The following MYO7A variants were observed in gnomAD, a reference collection of about 807,000 sequenced individuals.
MYO7A encodes unconventional myosin-VIIa.
Under a neutral mutation model 263.8 loss-of-function variants are expected in MYO7A, and 210 were observed. That is an observed-to-expected ratio of 0.80 (90% CI 0.71 to 0.89). The LOEUF is 0.89. Ranked by LOEUF, MYO7A falls within the 40% of genes least tolerant of loss-of-function variation. MYO7A has a pLI of 0.00. For missense variants in MYO7A, 2,820 were observed against 2,968.3 expected (o/e 0.95, Z 1.16); for synonymous variants, 1,239 against 1,197.3 (o/e 1.03, Z -0.72).
chr11:77,142,867 A>C, intron 3 of MYO7A, 45 bp downstream of exon 3: 1 of 1,451,784 alleles, frequency 6.9e-7, no homozygotes, highest in Non-Finnish European at 9.5e-7. Context: ...TTGGGGTCAG[A>C]CCTGGGCTGA....
rs368531412 is a variant in MYO7A at position 77,204,114 on chromosome 11, A to T, written c.5365A>T (p.Thr1789Ser). The T allele has an allele frequency of 3.7e-6, 6 of 1,601,188 alleles. No individual in the cohort carries two copies. In the African/African-American group the frequency reaches 4.0e-5, roughly 11 times the overall value. The change falls in exon 39 of 49, where the codon ACA becomes TCA. Residue 1789 changes from threonine to serine, a missense_variant. Thr to Ser is a moderately conservative substitution (Grantham distance 58). Transcript: ENST00000409709. ...KYMGDYPSKR[T>S]RSVNELTDQI... The stretch of plus-strand genomic sequence containing the variant: ...CATGGGCGACTACCCGTCCAAGAGG[A>T]CACGCTCCGTCAACGAGCTCACCGA...
In MYO7A at chr11:77,196,828, G is replaced by C. The variant is rs1167179335; in HGVS notation, c.4324-653G>C. On this transcript the variant is annotated intron_variant, in intron 32 of 48. Coordinates refer to ENST00000409709, the MANE Select transcript of MYO7A (RefSeq NM_000260.4). ...TCTATAAAAACCAGGATTTCACTCT[G>C]ACCCCTCCAATGCTACCCCAGAACC... Among the ~76,000 whole-genome samples the C allele has an allele frequency of 2.6e-5, 4 of 152,214 alleles. No individual in the cohort carries two copies. The East Asian group carries it at 7.7e-4, about 29-fold the overall frequency.
chr11:77,172,740 C>T lies in MYO7A; in HGVS notation c.1798-8C>T, dbSNP rs781804341. On this transcript the variant is annotated splice_polypyrimidine_tract_variant and splice_region_variant and intron_variant, in intron 15 of 48. Coordinates refer to ENST00000409709, the MANE Select transcript of MYO7A (RefSeq NM_000260.4). ...AGCCCCTCCCATCGCTGCCGTCCGT[C>T]CCCCCAGGGCGCCGAGACCAGGAAG... The T allele has an allele frequency of 5.8e-6, 9 of 1,553,142 alleles. No individual in the cohort carries two copies. In the East Asian group the frequency reaches 1.5e-4, roughly 25 times the overall value.
At chr11:77,166,205 G>T in intron 15 of MYO7A, 43 bp downstream of exon 15, 1 of 1,550,286 alleles carries the variant, frequency 6.5e-7, no homozygotes, top group Non-Finnish European at 8.9e-7. Flanking sequence ...GGGCCCCCAC[G>T]GGCCAGGCCT....
chr11:77,214,575 G>A, intron 48 of MYO7A, 32 bp from the exon 49 acceptor site: 1 of 1,483,460 alleles, frequency 6.7e-7, no homozygotes, highest in South Asian at 1.2e-5. Context: ...GTCCCACCGT[G>A]TGCTCGCTTA....
chr11:77,137,370 G>A (rs782429575), intron 2 of MYO7A, among the ~76,000 whole-genome samples: 1 of 151,968 alleles, frequency 6.6e-6, no homozygotes, highest in Non-Finnish European at 1.5e-5. Flanking sequence ...CCCACTCTCT[G>A]CCGTTGTTCA....
chr11:77,144,247 C>T (rs1301087402), intron 3 of MYO7A, among the ~76,000 whole-genome samples: 2 of 152,210 alleles, frequency 1.3e-5, no homozygotes, highest in African/African-American at 4.8e-5. Flanking sequence ...AGTTCTAGGA[C>T]CCTCTAGGAA....
At chr11:77,198,230 C>T (rs560659074) in intron 33 of MYO7A, among the ~76,000 whole-genome samples, 141 of 152,282 alleles carry the variant, frequency 9.3e-4, no homozygotes, top group African/African-American at 3.2e-3. Context: ...CCCCAGATCC[C>T]GCCTTAGTGC....
At chr11:77,133,928 C>A (rs1950839657) in intron 2 of MYO7A, among the ~76,000 whole-genome samples, 1 of 152,150 alleles carries the variant, frequency 6.6e-6, no homozygotes, top group African/African-American at 2.4e-5. Flanking sequence ...CTTAGGTTTA[C>A]AAATAACATC....
chr11:77,185,485 A>AAGGATGAGGAG (rs1955586408), intron 27 of MYO7A, among the ~76,000 whole-genome samples: 1 of 152,088 alleles, frequency 6.6e-6, no homozygotes, highest in Non-Finnish European at 1.5e-5. Flanking sequence ...ATAAGAGGCA[A>AAGGATGAGGAG]CTCCTCATCC....
At chr11:77,129,616 G>T (rs1399203938) in intron 1 of MYO7A, among the ~76,000 whole-genome samples, 1 of 152,088 alleles carries the variant, frequency 6.6e-6, no homozygotes, top group Non-Finnish European at 1.5e-5. Context: ...GGATCAACTC[G>T]CCAACTTTGG....
intron 37 of MYO7A, 66 bp from the exon 38 acceptor site, chr11:77,202,994 A>G: frequency 2.0e-6 from 3 of 1,526,040 alleles, no homozygotes; most frequent in Non-Finnish European, 1.8e-6. Flanking sequence ...GGGTCTCACA[A>G]CCTGGGGGTT....
intron 10 of MYO7A, 36 bp from the exon 11 acceptor site, chr11:77,160,127 C>A: frequency 6.5e-7 from 1 of 1,540,994 alleles, no homozygotes; most frequent in Non-Finnish European, 8.8e-7. Flanking sequence ...GAGGGGCAGG[C>A]TGGCAGGTGA....
At chr11:77,214,061 C>G (rs1051063027) in intron 48 of MYO7A, 82 bp downstream of exon 48, 1 of 1,578,798 alleles carries the variant, frequency 6.3e-7, no homozygotes, top group Admixed American at 1.7e-5. Flanking sequence ...GGAACAAACA[C>G]AGTAGTGTGC....
chr11:77,187,854 G>A (rs1468360719), intron 27 of MYO7A, among the ~76,000 whole-genome samples: 1 of 152,224 alleles, frequency 6.6e-6, no homozygotes, highest in Non-Finnish European at 1.5e-5. Context: ...GAGGTCCAGA[G>A]TAGGGAAGAG....
At chr11:77,156,551 C>A in intron 5 of MYO7A, 109 bp from the exon 6 acceptor site, 2 of 1,504,264 alleles carry the variant, frequency 1.3e-6, no homozygotes, top group South Asian at 2.4e-5. Flanking sequence ...GTATTGTCAG[C>A]TGATATTACA....
In MYO7A at chr11:77,205,809, G is replaced by A. The variant is rs1020666053; in HGVS notation, c.5636+192G>A. ...ATGCAGCTGGAGAGTCCGGCTGCTC[G>A]GGAGTGCTCAGCCCAGAGCTCCCAG... On this transcript the variant is annotated intron_variant, in intron 40 of 48. Transcript: ENST00000409709. Among the ~76,000 whole-genome samples, 8 of 152,208 alleles carry A rather than the reference G, an allele frequency of 5.3e-5. No homozygotes were observed. The East Asian group carries it at 5.8e-4, about 11-fold the overall frequency.
chr11:77,191,990 T>G, intron 30 of MYO7A, 61 bp from the exon 31 acceptor site: 20 of 1,471,394 alleles, frequency 1.4e-5, no homozygotes, highest in Non-Finnish European at 1.6e-5. Context: ...TTGGCCCCGT[T>G]GAGGCTCCTC....
chr11:77,202,357 C>G lies in MYO7A; in HGVS notation c.5101C>G (p.Arg1701Gly). The change falls in exon 37 of 49, where the codon CGA becomes GGA. Residue 1701 changes from arginine to glycine, a missense_variant. Arg to Gly is a moderately radical substitution (Grantham distance 125). Transcript: ENST00000409709. Reference protein sequence around the residue: ...RQDVVRLLQLRTAEPEVRAKP... With the variant: ...RQDVVRLLQLGTAEPEVRAKP... Reference sequence around the variant, plus strand: ...GGACGTTGTCCGGCTCTTGCAGCTGCGAACGGCGGAGCCCGAGGTGCGTGC... The same window carrying G: ...GGACGTTGTCCGGCTCTTGCAGCTGGGAACGGCGGAGCCCGAGGTGCGTGC... The G allele has an allele frequency of 6.4e-7, 1 of 1,570,648 alleles. No homozygotes were observed. Among genetic ancestry groups the G allele is most frequent in the Non-Finnish European group, 8.6e-7 (1 of 1,157,180 alleles).
Sources: gnomAD v4.1 joint callset for allele counts (sites outside exome capture counted in the v4.1 genomes callset) on GRCh38, gnomAD v4.1.1 for gene constraint, MANE v1.5 for transcripts, NCBI Gene and HGNC (gene_info 2026-07-23, HGNC 2026-07-21) for gene names.